The following CHP1 variants were observed in gnomAD, a reference collection of about 807,000 sequenced individuals.
CHP1 encodes calcineurin like EF-hand protein 1.
CHP1 carries 11 observed loss-of-function variants against 27.4 expected under a neutral mutation model. The ratio of observed to expected loss-of-function variants is 0.40; its 90% CI spans 0.25 to 0.67. The LOEUF (loss-of-function observed/expected upper bound fraction) is 0.67, where lower values mean the gene tolerates loss of function less well. Among genes scored for constraint, CHP1 ranks in the 30% least tolerant of loss-of-function variants. The pLI is 0.38. For synonymous variants in CHP1, 89 were observed against 87.4 expected (o/e 1.02, Z -0.10); for missense variants, 169 against 251.3 (o/e 0.67, Z 2.22).
intron 4 of CHP1, among the ~76,000 whole-genome samples, chr15:41,267,911 G>C (rs2047469679): frequency 7.0e-6 from 1 of 143,064 alleles, no homozygotes; most frequent in Non-Finnish European, 1.5e-5. Flanking sequence ...TCCAGTGACA[G>C]AGTGAGGCCC....
intron 2 of CHP1, among the ~76,000 whole-genome samples, chr15:41,247,436 G>A (rs192399710): frequency 1.9e-3 from 284 of 151,964 alleles, no homozygotes; most frequent in African/African-American, 6.3e-3. Flanking sequence ...TTGGGAGGCC[G>A]AGATGGGTGG....
chr15:41,253,254 C>T (rs923871592), intron 2 of CHP1, among the ~76,000 whole-genome samples: 10 of 151,140 alleles, frequency 6.6e-5, no homozygotes, highest in African/African-American at 2.2e-4. Context: ...GGATCTTATG[C>T]TTGTGGTGTT....
At chr15:41,269,715 C>T (rs1203003695) in intron 4 of CHP1, among the ~76,000 whole-genome samples, 1 of 152,100 alleles carries the variant, frequency 6.6e-6, no homozygotes, top group Admixed American at 6.6e-5. Context: ...GCAGTGGATT[C>T]GGGCCTTTTA....
chr15:41,262,732 G>A (rs777693548), intron 3 of CHP1, 24 bp from the exon 4 acceptor site: 2 of 1,610,944 alleles, frequency 1.2e-6, no homozygotes, highest in South Asian at 2.2e-5. Context: ...ACATGGTGTT[G>A]TGTTTGTTAT....
chr15:41,266,050 G>A (rs998730385), intron 4 of CHP1, among the ~76,000 whole-genome samples: 2 of 151,914 alleles, frequency 1.3e-5, no homozygotes, highest in Non-Finnish European at 2.9e-5. Context: ...TTGGGAGGCC[G>A]AGGTGGGTGG....
chr15:41,255,204 T>C (rs1277066640), intron 2 of CHP1, among the ~76,000 whole-genome samples: 1 of 152,158 alleles, frequency 6.6e-6, no homozygotes, highest in East Asian at 1.9e-4. Flanking sequence ...CGGGATCATG[T>C]GTTGGGTTTT....
At chr15:41,242,487 C>T (rs2140924690) in intron 1 of CHP1, among the ~76,000 whole-genome samples, 1 of 152,300 alleles carries the variant, frequency 6.6e-6, no homozygotes, top group South Asian at 2.1e-4. Context: ...GGAACTGTGG[C>T]TCATGCCTGT....
chr15:41,255,690 TTG>T (rs2047396838), intron 2 of CHP1, among the ~76,000 whole-genome samples: 1 of 150,402 alleles, frequency 6.6e-6, no homozygotes, highest in South Asian at 2.1e-4. Flanking sequence ...AATAAAGAAT[TTG>T]GGGGAGAGTA....
In CHP1 at chr15:41,237,536, C is replaced by G. The variant is rs959678568; in HGVS notation, c.67+6087C>G. The stretch of plus-strand genomic sequence containing the variant: ...TAATGTTTTAAAATCTCTCTTAATC[C>G]CTAAGAGACTAGTCCAGGGCTTGAA... On this transcript the variant is annotated intron_variant, in intron 1 of 6. Coordinates refer to ENST00000334660, the MANE Select transcript of CHP1 (RefSeq NM_007236.5). 3.9e-5 allele frequency among the ~76,000 whole-genome samples: 6 copies of G among 152,066 alleles called. No individual in the cohort carries two copies. In the East Asian group the frequency reaches 1.2e-3, roughly 29 times the overall value.
chr15:41,274,492 G>C (rs1009491606), intron 5 of CHP1, among the ~76,000 whole-genome samples: 1 of 152,032 alleles, frequency 6.6e-6, no homozygotes, highest in Non-Finnish European at 1.5e-5. Context: ...AGGCTCAAGT[G>C]ATCCTCTGGC....
intron 1 of CHP1, 41 bp from the exon 2 acceptor site, chr15:41,243,626 G>A (rs777711275): frequency 3.2e-6 from 5 of 1,575,592 alleles, no homozygotes; most frequent in African/African-American, 1.4e-5. Context: ...TGTGAATGAG[G>A]GCTACTTCCC....
intron 1 of CHP1, among the ~76,000 whole-genome samples, chr15:41,242,493 C>T (rs1235328879): frequency 6.6e-6 from 1 of 152,142 alleles, no homozygotes; most frequent in African/African-American, 2.4e-5. Flanking sequence ...GTGGCTCATG[C>T]CTGTAATCCC....
At chr15:41,233,491 T>G (rs2047262713) in intron 1 of CHP1, among the ~76,000 whole-genome samples, 1 of 151,976 alleles carries the variant, frequency 6.6e-6, no homozygotes, top group Admixed American at 6.6e-5. Flanking sequence ...TGCCAAAGAG[T>G]GAGTCACTTG....
At chr15:41,272,047 C>T (rs772803349) in intron 5 of CHP1, 10 of 151,494 alleles carry the variant, frequency 6.6e-5, no homozygotes, top group Admixed American at 4.0e-4. Context: ...TAATATGATT[C>T]TTGTGAAAGT....
intron 4 of CHP1, among the ~76,000 whole-genome samples, chr15:41,270,216 T>C (rs2047481633): frequency 6.6e-6 from 1 of 151,834 alleles, no homozygotes; most frequent in Non-Finnish European, 1.5e-5. Flanking sequence ...CTGGTAGATT[T>C]GATGTTTGTG....
At chr15:41,235,077 A>G (rs937942433) in intron 1 of CHP1, among the ~76,000 whole-genome samples, 3 of 152,222 alleles carry the variant, frequency 2.0e-5, no homozygotes, top group Non-Finnish European at 4.4e-5. Context: ...TCTTTGTTCT[A>G]CTACCTTCTT....
At chr15:41,270,266 T>A (rs1040612240) in intron 4 of CHP1, among the ~76,000 whole-genome samples, 6 of 149,910 alleles carry the variant, frequency 4.0e-5, no homozygotes, top group Admixed American at 3.4e-4. Flanking sequence ...AGGAGTGTTT[T>A]GGGGGGGGGC....
intron 3 of CHP1, among the ~76,000 whole-genome samples, chr15:41,260,489 G>A (rs1434064337): frequency 1.3e-5 from 2 of 151,446 alleles, no homozygotes; most frequent in Admixed American, 1.3e-4. Context: ...CCATCTTTGG[G>A]GTTCAAGTGA....
intron 1 of CHP1, among the ~76,000 whole-genome samples, chr15:41,237,203 G>A (rs1298925287): frequency 2.0e-5 from 3 of 149,464 alleles, no homozygotes; most frequent in Non-Finnish European, 4.4e-5. Flanking sequence ...CTGGAGTGCA[G>A]TGGCGCGATC....
Sources: allele counts gnomAD v4.1 joint callset (sites outside exome capture counted in the v4.1 genomes callset), GRCh38; gene constraint gnomAD v4.1.1; transcripts MANE v1.5; gene names NCBI Gene and HGNC (gene_info 2026-07-23, HGNC 2026-07-21).